CEP57: variants seen among roughly 807,000 people sequenced by gnomAD.
The protein encoded by CEP57 is centrosomal protein 57, also known as centrosomal protein of 57 kDa.
Under a neutral mutation model 68.0 loss-of-function variants are expected in CEP57, and 40 were observed. The observed-to-expected ratio is 0.59, with a 90% CI of 0.46 to 0.77. The LOEUF is 0.77. Among genes scored for constraint, CEP57 ranks in the 30% least tolerant of loss-of-function variants. The pLI is 0.00. For missense variants in CEP57, 606 were observed against 580.7 expected, an observed-to-expected ratio of 1.04 and a Z score of -0.45; for synonymous variants, 219 against 198.7, an observed-to-expected ratio of 1.10 and a Z score of -0.86.
chr11:95,803,218 CAAAA>C (rs577313421), intron 2 of CEP57, among the ~76,000 whole-genome samples: 4 of 151,708 alleles, frequency 2.6e-5, no homozygotes, highest in Middle Eastern at 3.4e-3. Context: ...ACAGATGACA[CAAAA>C]AAAGCATACT....
chr11:95,822,078 T>A (rs748882845), intron 7 of CEP57, 100 bp downstream of exon 7: 10 of 800,684 alleles, frequency 1.2e-5, no homozygotes, highest in Non-Finnish European at 2.1e-5. Context: ...CTTGAGAGAG[T>A]AAATCTTTCA....
At chr11:95,804,357 G>A (rs1339544134) in intron 2 of CEP57, among the ~76,000 whole-genome samples, 1 of 152,208 alleles carries the variant, frequency 6.6e-6, no homozygotes, top group Non-Finnish European at 1.5e-5. Flanking sequence ...AGCCAGGACA[G>A]TAAGGATGGA....
rs748485985 is a variant in CEP57 at position 95,831,087 on chromosome 11, A to G, written c.1334A>G (p.Asp445Gly). 2 of 1,613,624 alleles carry G rather than the reference A, an allele frequency of 1.2e-6. No homozygotes were observed. Among genetic ancestry groups the G allele is most frequent in the Middle Eastern group, 1.7e-4 (1 of 6,058 alleles). Residue 445 changes from aspartate (D) to glycine (G), a missense_variant, in exon 11 of 11, where the codon GAT becomes GGT. Transcript: ENST00000325542. The stretch of plus-strand genomic sequence containing the variant: ...TTAAAAGCTACCAAAAAGACTCTTG[A>G]TGAAGAAAGAAACAGCAGCAGCCGT... Reference protein sequence around the residue: ...KELKATKKTLDEERNSSSRSG... With the variant: ...KELKATKKTLGEERNSSSRSG...
In CEP57 at chr11:95,799,404, G is replaced by A. The variant is rs766179393; in HGVS notation, c.202+16G>A. ...AACAGCAGAGGTAATCGAGCCTAACGAAATAAATGTTATTTGTGTTTTCTT... is the reference window on the plus strand; with the variant it reads ...AACAGCAGAGGTAATCGAGCCTAACAAAATAAATGTTATTTGTGTTTTCTT... On this transcript the variant is annotated intron_variant, in intron 2 of 10. Coordinates refer to ENST00000325542, the MANE Select transcript of CEP57 (RefSeq NM_014679.5). The A allele has an allele frequency of 3.0e-5, 48 of 1,613,360 alleles. No homozygotes were observed. The highest frequency in any genetic ancestry group is 4.0e-5 in the African/African-American group (3 of 74,882).
At chr11:95,820,629 T>G (rs772623671) in intron 6 of CEP57, among the ~76,000 whole-genome samples, 1 of 149,122 alleles carries the variant, frequency 6.7e-6, no homozygotes, top group Non-Finnish European at 1.5e-5. Flanking sequence ...TTGGTGTTGG[T>G]GTGATCAAAT....
At chr11:95,812,427 T>G (rs1425903374) in intron 2 of CEP57, among the ~76,000 whole-genome samples, 5 of 152,026 alleles carry the variant, frequency 3.3e-5, no homozygotes, top group African/African-American at 1.2e-4. Context: ...TTTTTTTAAT[T>G]TATTATTATT....
chr11:95,828,138 G>A (rs1862833810), intron 9 of CEP57, 111 bp downstream of exon 9: 3 of 1,300,574 alleles, frequency 2.3e-6, no homozygotes, highest in Admixed American at 4.5e-5. Context: ...GTATGGTTGA[G>A]CACAATCCTT....
At chr11:95,790,861 A>C in intron 1 of CEP57, 118 bp downstream of exon 1, 1 of 1,187,430 alleles carries the variant, frequency 8.4e-7, no homozygotes, top group Non-Finnish European at 1.2e-6. Context: ...GTCGGCGGGA[A>C]TGCCTAGATT....
intron 8 of CEP57, chr11:95,822,991 G>T: frequency 4.3e-6 from 1 of 234,604 alleles, no homozygotes; most frequent in Non-Finnish European, 8.6e-6. Context: ...TCATTTCTAG[G>T]ACTAATTCTC....
At position 95,821,860 on chromosome 11, in the gene CEP57, A is replaced by C. The variant is rs1444419772; in HGVS notation, c.700-11A>C. The stretch of plus-strand genomic sequence containing the variant: ...TCTACAGCATTAACTTGAGGCTCTC[A>C]TTTTTCCTAGTTGCAGACTGGTCTA... On this transcript the variant is annotated splice_polypyrimidine_tract_variant and intron_variant, in intron 6 of 10. Transcript: ENST00000325542. The C allele has an allele frequency of 6.3e-7, 1 of 1,575,276 alleles. No individual in the cohort carries two copies. Among genetic ancestry groups the C allele is most frequent in the Non-Finnish European group, 8.7e-7 (1 of 1,146,384 alleles).
At chr11:95,827,639 TAGA>T (rs1862800383) in intron 8 of CEP57, 144 bp from the exon 9 acceptor site, 1 of 894,440 alleles carries the variant, frequency 1.1e-6, no homozygotes, top group East Asian at 2.6e-5. Flanking sequence ...GGATTTCAAA[TAGA>T]AGAACATCAT....
At chr11:95,822,135 C>T in intron 7 of CEP57, 157 bp downstream of exon 7, 1 of 651,872 alleles carries the variant, frequency 1.5e-6, no homozygotes, top group Non-Finnish European at 2.7e-6. Context: ...ATACCTACTC[C>T]TAAATTTTTA....
intron 8 of CEP57, chr11:95,826,240 G>A (rs1862738370): frequency 6.6e-6 from 1 of 152,044 alleles, no homozygotes; most frequent in Admixed American, 6.5e-5. Flanking sequence ...TCTTCCTTAG[G>A]ATTTTCTTAA....
chr11:95,824,747 G>A (rs1036609537), intron 8 of CEP57, among the ~76,000 whole-genome samples: 3 of 152,240 alleles, frequency 2.0e-5, no homozygotes, highest in East Asian at 3.9e-4. Context: ...AAGAGGAGAC[G>A]GGCTAAATCT....
At chr11:95,805,206 G>C (rs549105300) in intron 2 of CEP57, among the ~76,000 whole-genome samples, 1 of 152,312 alleles carries the variant, frequency 6.6e-6, no homozygotes, top group South Asian at 2.1e-4. Flanking sequence ...TGATTCAGAA[G>C]AGGTTAAGAA....
In CEP57 at chr11:95,790,677, G is replaced by C. The variant is rs747883102; in HGVS notation, c.-22G>C. The C allele has an allele frequency of 1.9e-6, 3 of 1,613,144 alleles. No individual in the cohort carries two copies. Among genetic ancestry groups the C allele is most frequent in the South Asian group, 2.2e-5 (2 of 90,832 alleles). ...ACCTAGACCGCCCCCGAAGTGCGGA[G>C]ACCCCCTGGGCAGGCTGAAAGATGG... On this transcript the variant is annotated 5_prime_UTR_variant, in exon 1 of 11. Coordinates refer to ENST00000325542, the MANE Select transcript of CEP57 (RefSeq NM_014679.5).
chr11:95,816,613 C>T (rs139393047), intron 4 of CEP57, among the ~76,000 whole-genome samples: 472 of 152,308 alleles, frequency 3.1e-3, no homozygotes, highest in Middle Eastern at 6.8e-3. Context: ...TTAGTTCACA[C>T]AAATTCCTAA....
At position 95,832,566 on chromosome 11, in the gene CEP57, G is replaced by A. The variant is rs570536640; in HGVS notation, c.*1310G>A. ...AATAATTGTGAGCCCATAGACACAA[G>A]GGAAGTGAGAAACAGTGCTCTGGTG... On this transcript the variant is annotated 3_prime_UTR_variant, in exon 11 of 11. Transcript: ENST00000325542. The A allele has an allele frequency of 1.4e-4, 22 of 152,236 alleles. No individual in the cohort carries two copies. Among genetic ancestry groups the A allele is most frequent in the African/African-American group, 4.1e-4 (17 of 41,538 alleles). The allele number at this position is 152,236 out of a possible 1,614,324, so 9.4% of individuals were successfully genotyped here.
At chr11:95,793,213 A>G (rs1182232800) in intron 1 of CEP57, among the ~76,000 whole-genome samples, 1 of 152,190 alleles carries the variant, frequency 6.6e-6, no homozygotes, top group Non-Finnish European at 1.5e-5. Flanking sequence ...TTATTGAGTG[A>G]TTGCTCTGGA....
Sources: gnomAD v4.1 joint callset for allele counts (sites outside exome capture counted in the v4.1 genomes callset) on GRCh38, gnomAD v4.1.1 for gene constraint, MANE v1.5 for transcripts, NCBI Gene and HGNC (gene_info 2026-07-23, HGNC 2026-07-21) for gene names.